Variants in ZFHX3 observed in about 807,000 individuals in gnomAD.
ZFHX3 encodes zinc finger homeobox 3, also known as zinc finger homeobox protein 3.
Under a neutral mutation model 279.1 loss-of-function variants are expected in ZFHX3, and 42 were observed. The ratio of observed to expected loss-of-function variants is 0.15; its 90% CI spans 0.12 to 0.19. The LOEUF (loss-of-function observed/expected upper bound fraction) is 0.19, where lower values mean the gene tolerates loss of function less well. ZFHX3 is among the 10% of genes least tolerant of loss of function. The pLI is 1.00. For missense variants in ZFHX3, 4,981 were observed against 4,754.0 expected (o/e 1.05, Z -1.40); for synonymous variants, 2,293 against 1,957.8 (o/e 1.17, Z -4.52).
chr16:72,798,250 C>T lies in ZFHX3; in HGVS notation c.4432G>A (p.Asp1478Asn), dbSNP rs1279847751. The T allele has an allele frequency of 1.9e-6, 3 of 1,614,176 alleles. No homozygotes were observed. Among genetic ancestry groups the T allele is most frequent in the South Asian group, 1.1e-5 (1 of 91,078 alleles). Residue 1478 changes from aspartate (D) to asparagine (N), a missense_variant, in exon 9 of 10, where the codon GAC (aspartate) becomes AAC (asparagine). This residue lies in a region of ZFHX3 where 1,751 missense variants were observed against 1,770.0 expected (regional missense o/e 0.99). Coordinates refer to ENST00000268489, the MANE Select transcript of ZFHX3 (RefSeq NM_006885.4). Reference protein sequence around the residue: ...LANGDLLAMGDPTLAEDHTII... With the variant: ...LANGDLLAMGNPTLAEDHTII... ...GTATGGTCCTCTGCCAGAGTGGGGT[C>T]TCCCATTGCCAGGAGGTCCCCATTG...
intron 1 of ZFHX3, among the ~76,000 whole-genome samples, chr16:73,682,814 G>A (rs565120660): frequency 1.1e-4 from 15 of 140,598 alleles, no homozygotes; most frequent in Non-Finnish European, 1.8e-4. Context: ...GAAAGAAAGA[G>A]AGAAAGAGAA....
intron 3 of ZFHX3, among the ~76,000 whole-genome samples, chr16:73,429,244 G>A (rs2017867277): frequency 6.6e-6 from 1 of 152,174 alleles, no homozygotes; most frequent in Admixed American, 6.5e-5. Flanking sequence ...GGAGAGTGAA[G>A]CCGATAGAGT....
chr16:72,875,349 C>T (rs2038282509), intron 4 of ZFHX3, among the ~76,000 whole-genome samples: 2 of 152,238 alleles, frequency 1.3e-5, no homozygotes, highest in Admixed American at 6.5e-5. Context: ...GGTTGTGAGC[C>T]CAGCCCTGCA....
chr16:73,644,091 C>A (rs2052596884), intron 2 of ZFHX3, among the ~76,000 whole-genome samples: 1 of 152,072 alleles, frequency 6.6e-6, no homozygotes, highest in Non-Finnish European at 1.5e-5. Flanking sequence ...CCACAAACAA[C>A]ATGTCTATTT....
At chr16:73,537,331 T>G (rs2019921127) in intron 2 of ZFHX3, among the ~76,000 whole-genome samples, 1 of 145,662 alleles carries the variant, frequency 6.9e-6, no homozygotes, top group Middle Eastern at 3.5e-3. Context: ...TTTTTTTTTT[T>G]TTTTTTTTTT....
rs372486208 is a variant in ZFHX3 at position 73,089,698 on chromosome 16, A to G, written c.-533+3537T>C. Among the ~76,000 whole-genome samples, 42 of 152,314 alleles carry G rather than the reference A, an allele frequency of 2.8e-4. No individual in the cohort carries two copies. In the South Asian group the frequency reaches 8.5e-3, roughly 31 times the overall value. The stretch of plus-strand genomic sequence containing the variant: ...GATGAATGTACCAGGGAAGGCTCTC[A>G]TCCTTGCAGACACAGAGCCTGAGGC... On this transcript the variant is annotated intron_variant, in intron 8 of 17. Coordinates refer to the ZFHX3 transcript ENST00000641206.
intron 1 of ZFHX3, among the ~76,000 whole-genome samples, chr16:73,847,596 T>C (rs1465963178): frequency 6.6e-6 from 1 of 152,184 alleles, no homozygotes; most frequent in African/African-American, 2.4e-5. Flanking sequence ...GCAAGTTATT[T>C]AGCCTCCTGG....
At position 72,960,129 on chromosome 16, in the gene ZFHX3, G is replaced by A. The variant is rs761461147; in HGVS notation, c.17C>T (p.Ser6Leu). 22 of 1,582,588 alleles carry A rather than the reference G, an allele frequency of 1.4e-5. No homozygotes were observed. Among genetic ancestry groups the A allele is most frequent in the East Asian group, 2.2e-5 (1 of 44,516 alleles). ...ATTGTCCTTCCCCGAGACGACGGGCGAGTCACAGCCTTCCATGGTAAGGCC... is the reference window on the plus strand; with the variant it reads ...ATTGTCCTTCCCCGAGACGACGGGCAAGTCACAGCCTTCCATGGTAAGGCC... MEGCDSPVVSGKDNGC... is the reference protein window; with the variant it reads MEGCDLPVVSGKDNGC... Residue 6 changes from serine to leucine, a missense_variant, in exon 2 of 10, where the codon TCG (serine) becomes TTG (leucine). Ser to Leu is a moderately radical substitution (Grantham distance 145). Transcript: ENST00000268489.
intron 1 of ZFHX3, among the ~76,000 whole-genome samples, chr16:73,815,372 C>G (rs753305917): frequency 6.6e-6 from 1 of 152,234 alleles, no homozygotes; most frequent in Admixed American, 6.5e-5. Context: ...AACTTGGCAA[C>G]AGAAAACCCC....
chr16:72,983,718 A>AAG (rs199899534), intron 1 of ZFHX3, among the ~76,000 whole-genome samples: 6 of 151,068 alleles, frequency 4.0e-5, no homozygotes, highest in African/African-American at 1.5e-4. Context: ...GAAAAAAAAA[A>AAG]AGAGAGAGAG....
At chr16:73,415,864 A>G (rs1019818044) in intron 3 of ZFHX3, among the ~76,000 whole-genome samples, 2 of 152,186 alleles carry the variant, frequency 1.3e-5, no homozygotes, top group Non-Finnish European at 1.5e-5. Flanking sequence ...TCATGCCTGT[A>G]ATCCCAGCAC....
At chr16:73,786,177 AT>A (rs34556370) in intron 1 of ZFHX3, among the ~76,000 whole-genome samples, 228 of 147,618 alleles carry the variant, frequency 1.5e-3, no homozygotes, top group African/African-American at 3.9e-3. Context: ...AGCCAGAATG[AT>A]TTTTTTTTTT....
At chr16:73,268,571 A>T (rs1431851674) in intron 4 of ZFHX3, among the ~76,000 whole-genome samples, 1 of 152,200 alleles carries the variant, frequency 6.6e-6, no homozygotes, top group Non-Finnish European at 1.5e-5. Context: ...GCTTGTTTTC[A>T]TCCAATAGCA....
At chr16:73,511,695 G>T (rs1341619714) in intron 2 of ZFHX3, among the ~76,000 whole-genome samples, 1 of 152,112 alleles carries the variant, frequency 6.6e-6, no homozygotes, top group African/African-American at 2.4e-5. Flanking sequence ...GGCAGATAGA[G>T]CAAAAAACCA....
At chr16:73,114,096 A>AT (rs199589126) in intron 7 of ZFHX3, among the ~76,000 whole-genome samples, 3,567 of 149,546 alleles carry the variant, frequency 0.024, 148 homozygotes, top group African/African-American at 0.082. Flanking sequence ...GTGCCCGGCC[A>AT]TTTTTTTTTA....
intron 2 of ZFHX3, among the ~76,000 whole-genome samples, chr16:73,671,861 AATAC>A: frequency 6.6e-6 from 1 of 152,332 alleles, no homozygotes; most frequent in South Asian, 2.1e-4. Context: ...CCTCTCTATA[AATAC>A]ATACATTAAC....
At chr16:73,306,346 G>A (rs1035702104) in intron 4 of ZFHX3, among the ~76,000 whole-genome samples, 1 of 152,226 alleles carries the variant, frequency 6.6e-6, no homozygotes, top group Non-Finnish European at 1.5e-5. Context: ...TTGAGACAGA[G>A]TCTTGCTGTG....
intron 4 of ZFHX3, among the ~76,000 whole-genome samples, chr16:72,866,625 C>T (rs1197859921): frequency 6.6e-6 from 1 of 152,184 alleles, no homozygotes; most frequent in East Asian, 1.9e-4. Flanking sequence ...TGAAAGCCCC[C>T]AGTCTTCACT....
intron 7 of ZFHX3, chr16:73,130,885 G>C (rs1966667186): frequency 8.5e-7 from 1 of 1,170,348 alleles, no homozygotes; most frequent in African/African-American, 1.6e-5. Context: ...TGGGATCACA[G>C]GGGTGAGCCA....
Sources: allele counts gnomAD v4.1 joint callset (sites outside exome capture counted in the v4.1 genomes callset), GRCh38; gene constraint gnomAD v4.1.1; regional missense constraint gnomAD v4.1.1; transcripts MANE v1.5; gene names NCBI Gene and HGNC (gene_info 2026-07-23, HGNC 2026-07-21).